Variants in PIP4K2A observed in about 807,000 individuals in gnomAD.
PIP4K2A encodes phosphatidylinositol-5-phosphate 4-kinase type 2 alpha.
PIP4K2A carries 14 observed loss-of-function variants against 42.9 expected under a neutral mutation model. That is an observed-to-expected ratio of 0.33 (90% CI 0.22 to 0.51). The LOEUF is 0.51. PIP4K2A is among the 20% of genes least tolerant of loss of function. The pLI, the probability that PIP4K2A is intolerant of heterozygous loss-of-function variation, is 0.97. For missense variants in PIP4K2A, 434 were observed against 519.8 expected, an observed-to-expected ratio of 0.83 and a Z score of 1.61; for synonymous variants, 192 against 192.2, an observed-to-expected ratio of 1.00 and a Z score of 0.01.
At chr10:22,612,447 C>G in intron 1 of PIP4K2A, among the ~76,000 whole-genome samples, 1 of 152,028 alleles carries the variant, frequency 6.6e-6, no homozygotes, top group East Asian at 1.9e-4. Flanking sequence ...GAAGGCGAGT[C>G]CTAGAGAGGA....
chr10:22,652,064 CTTAAT>C (rs1246075719), intron 1 of PIP4K2A, among the ~76,000 whole-genome samples: 2 of 152,086 alleles, frequency 1.3e-5, no homozygotes, highest in African/African-American at 4.8e-5. Flanking sequence ...TGATACAGTG[CTTAAT>C]TTGTGTTGAA....
intron 2 of PIP4K2A, 44 bp from the exon 3 acceptor site, chr10:22,608,067 C>T (rs1315912958): frequency 7.7e-7 from 1 of 1,302,386 alleles, no homozygotes; most frequent in Non-Finnish European, 1.1e-6. Context: ...GAGAGTCAAT[C>T]AGACTTGCAT....
chr10:22,691,865 G>C (rs374378897), intron 1 of PIP4K2A: 3 of 152,138 alleles, frequency 2.0e-5, no homozygotes, highest in East Asian at 1.9e-4. Context: ...CAATAGCTGA[G>C]ATTCTAAATT....
At chr10:22,686,634 A>AC (rs1839770025) in intron 1 of PIP4K2A, among the ~76,000 whole-genome samples, 1 of 152,086 alleles carries the variant, frequency 6.6e-6, no homozygotes, top group African/African-American at 2.4e-5. Flanking sequence ...CTAATTAGTT[A>AC]AAAAAATTTT....
chr10:22,708,169 A>C (rs1833854257), intron 1 of PIP4K2A, among the ~76,000 whole-genome samples: 1 of 152,156 alleles, frequency 6.6e-6, no homozygotes, highest in Non-Finnish European at 1.5e-5. Flanking sequence ...ACCTTCCAAA[A>C]AAGAGGAATT....
intron 1 of PIP4K2A, among the ~76,000 whole-genome samples, chr10:22,635,350 A>T (rs1838639613): frequency 6.6e-6 from 1 of 152,070 alleles, no homozygotes; most frequent in Non-Finnish European, 1.5e-5. Context: ...GTGTGTCTGG[A>T]AGGGCTTTGT....
At chr10:22,684,618 A>G (rs1412540966) in intron 1 of PIP4K2A, among the ~76,000 whole-genome samples, 3 of 152,230 alleles carry the variant, frequency 2.0e-5, no homozygotes, top group Non-Finnish European at 4.4e-5. Context: ...AAAACCTGAC[A>G]CACCTTCCAA....
At chr10:22,567,191 C>T (rs1294158620) in intron 6 of PIP4K2A, among the ~76,000 whole-genome samples, 2 of 152,200 alleles carry the variant, frequency 1.3e-5, no homozygotes, top group Non-Finnish European at 2.9e-5. Flanking sequence ...TTTAGGTTTA[C>T]ATCCAGGAAG....
intron 4 of PIP4K2A, among the ~76,000 whole-genome samples, chr10:22,586,686 A>G (rs1564432026): frequency 6.6e-6 from 1 of 151,964 alleles, no homozygotes; most frequent in Non-Finnish European, 1.5e-5. Flanking sequence ...ACGTGCCATC[A>G]TGCCTGGCTA....
chr10:22,672,869 T>G (rs969975461), intron 1 of PIP4K2A, among the ~76,000 whole-genome samples: 1 of 152,182 alleles, frequency 6.6e-6, no homozygotes, highest in African/African-American at 2.4e-5. Flanking sequence ...CAGGTTAACA[T>G]GTCATTCTCC....
At chr10:22,627,630 A>AAAAAAAAAAAAAG (rs1346625282) in intron 1 of PIP4K2A, among the ~76,000 whole-genome samples, 5 of 118,136 alleles carry the variant, frequency 4.2e-5, no homozygotes, top group Non-Finnish European at 7.2e-5. Context: ...AAAAAAAAAA[A>AAAAAAAAAAAAAG]AGATAAGGAA....
intron 3 of PIP4K2A, among the ~76,000 whole-genome samples, chr10:22,594,147 A>G (rs1837571620): frequency 6.6e-6 from 1 of 152,164 alleles, no homozygotes; most frequent in Non-Finnish European, 1.5e-5. Flanking sequence ...CACACATGAG[A>G]ACCAAGGTCT....
At chr10:22,541,526 G>C (rs561038413) in intron 8 of PIP4K2A, among the ~76,000 whole-genome samples, 1 of 152,218 alleles carries the variant, frequency 6.6e-6, no homozygotes, top group Non-Finnish European at 1.5e-5. Flanking sequence ...GTGTGTATGT[G>C]CATATGTACA....
intron 8 of PIP4K2A, 98 bp from the exon 9 acceptor site, chr10:22,540,172 G>C: frequency 1.3e-6 from 1 of 764,388 alleles, no homozygotes; most frequent in South Asian, 1.4e-5. Context: ...AGCCTGGAGG[G>C]AGGGGATTCA....
At chr10:22,656,124 T>C (rs1434828183) in intron 1 of PIP4K2A, among the ~76,000 whole-genome samples, 6 of 152,214 alleles carry the variant, frequency 3.9e-5, no homozygotes, top group South Asian at 2.1e-4. Flanking sequence ...TGAAATAATA[T>C]AGAATTACTC....
At chr10:22,579,222 G>C (rs1212225121) in intron 4 of PIP4K2A, among the ~76,000 whole-genome samples, 1 of 152,110 alleles carries the variant, frequency 6.6e-6, no homozygotes, top group Non-Finnish European at 1.5e-5. Flanking sequence ...TCTGTTCTGG[G>C]ACTATTACCG....
intron 3 of PIP4K2A, among the ~76,000 whole-genome samples, chr10:22,602,017 G>A (rs1454756349): frequency 6.6e-6 from 1 of 152,114 alleles, no homozygotes; most frequent in African/African-American, 2.4e-5. Context: ...CGGAGGCTTG[G>A]CTCACTGGGA....
chr10:22,617,850 A>C (rs1424950366), intron 1 of PIP4K2A, among the ~76,000 whole-genome samples: 2 of 152,202 alleles, frequency 1.3e-5, no homozygotes, highest in Non-Finnish European at 2.9e-5. Context: ...CACAGATTGA[A>C]AAAGGGCTCA....
chr10:22,683,279 T>G (rs1350551622), intron 1 of PIP4K2A, among the ~76,000 whole-genome samples: 2 of 152,108 alleles, frequency 1.3e-5, no homozygotes, highest in South Asian at 2.1e-4. Flanking sequence ...TTTAACAGTA[T>G]TTGCATTTGC....
Sources: gnomAD v4.1 joint callset for allele counts (sites outside exome capture counted in the v4.1 genomes callset) on GRCh38, gnomAD v4.1.1 for gene constraint, MANE v1.5 for transcripts, NCBI Gene and HGNC (gene_info 2026-07-23, HGNC 2026-07-21) for gene names.